Variants in GLB1 observed in about 807,000 individuals in gnomAD.
GLB1 encodes beta-galactosidase.
Under a neutral mutation model 74.0 loss-of-function variants are expected in GLB1, and 56 were observed. That is an observed-to-expected ratio of 0.76 (90% confidence interval 0.61 to 0.94). The LOEUF (loss-of-function observed/expected upper bound fraction) is 0.94. Ranked by LOEUF, GLB1 falls within the 40% of genes least tolerant of loss-of-function variation. GLB1 has a pLI of 0.00. For missense variants in GLB1, 787 were observed against 845.5 expected, an observed-to-expected ratio of 0.93 and a Z score of 0.86; for synonymous variants, 323 against 323.6, an observed-to-expected ratio of 1.00 and a Z score of 0.02.
chr3:33,014,357 AG>A (rs1559382469), intron 14 of GLB1, 47 bp from the exon 15 acceptor site: 1 of 1,604,008 alleles, frequency 6.2e-7, no homozygotes, highest in Non-Finnish European at 8.5e-7. Flanking sequence ...GGAAGGAAAA[AG>A]GCTTCACATG....
chr3:33,078,926 CTTG>C (rs1328045238), intron 1 of GLB1, among the ~76,000 whole-genome samples: 3 of 152,092 alleles, frequency 2.0e-5, no homozygotes, highest in African/African-American at 7.2e-5. Flanking sequence ...TCATGGCAGT[CTTG>C]AACTCCTGGG....
intron 2 of GLB1, among the ~76,000 whole-genome samples, chr3:33,071,001 C>A (rs1699867822): frequency 6.6e-6 from 1 of 152,066 alleles, no homozygotes; most frequent in Non-Finnish European, 1.5e-5. Context: ...GCCCTAGATC[C>A]TCTGACAAAA....
chr3:33,029,445 C>G (rs1280915826), intron 10 of GLB1, among the ~76,000 whole-genome samples: 1 of 152,090 alleles, frequency 6.6e-6, no homozygotes, highest in Non-Finnish European at 1.5e-5. Context: ...ATGCTTGGTA[C>G]TAGACTTATA....
chr3:33,037,048 AT>A (rs71070114), intron 10 of GLB1, among the ~76,000 whole-genome samples: 72,507 of 143,872 alleles, frequency 0.5, 17,900 homozygotes, highest in East Asian at 0.59. Flanking sequence ...ACCACAATTA[AT>A]TTTTTTTTTT....
rs183374180 is a variant in GLB1 at position 33,019,565 on chromosome 3, T to G, written c.1234-1004A>C. Among the ~76,000 whole-genome samples the G allele has an allele frequency of 9.3e-3, 1,420 of 152,282 alleles. 8 individuals carry two copies. The highest frequency in any genetic ancestry group is 0.014 in the Non-Finnish European group (963 of 68,026). ...GACTGGGAGGAGCTGAGGAGAGCACTAATCCACCTTCCTGTGTTGCAGGAA... is the reference window on the plus strand; with the variant it reads ...GACTGGGAGGAGCTGAGGAGAGCACGAATCCACCTTCCTGTGTTGCAGGAA... On this transcript the variant is annotated intron_variant, in intron 12 of 15. Coordinates refer to ENST00000307363, the MANE Select transcript of GLB1 (RefSeq NM_000404.4).
chr3:33,024,599 G>T (rs1697651822), intron 10 of GLB1, among the ~76,000 whole-genome samples: 1 of 152,198 alleles, frequency 6.6e-6, no homozygotes, highest in Non-Finnish European at 1.5e-5. Context: ...TAGAGAGAAT[G>T]AGGGTAAACA....
intron 6 of GLB1, among the ~76,000 whole-genome samples, chr3:33,054,523 C>A (rs1322827731): frequency 6.6e-6 from 1 of 152,186 alleles, no homozygotes; most frequent in Non-Finnish European, 1.5e-5. Context: ...CCTGGATGCA[C>A]CCCACAGGAT....
In GLB1 at chr3:33,021,598, G is replaced by A. The variant is rs1402467081; in HGVS notation, c.1201C>T (p.Leu401Phe). 6.2e-7 allele frequency: 1 copy of A among 1,614,056 alleles called. No individual in the cohort carries two copies. Among genetic ancestry groups the A allele is most frequent in the Non-Finnish European group, 8.5e-7 (1 of 1,180,006 alleles). Reference protein sequence around the residue: ...ILCPSGPIKSLYPLTFIQVKQ... With the variant: ...ILCPSGPIKSFYPLTFIQVKQ... Reference sequence around the variant, plus strand: ...ACCTGGATAAATGTCAAGGGATAAAGGCTTTTGATGGGCCCAGAGGGACAC... The same window carrying A: ...ACCTGGATAAATGTCAAGGGATAAAAGCTTTTGATGGGCCCAGAGGGACAC... Residue 401 changes from leucine (L) to phenylalanine (F), a missense_variant, in exon 12 of 16, where the codon CTT becomes TTT. Physicochemically the swap from Leu to Phe is conservative, Grantham distance 22. Transcript: ENST00000307363.
chr3:33,004,413 A>G (rs980885741), intron 15 of GLB1, among the ~76,000 whole-genome samples: 6 of 152,368 alleles, frequency 3.9e-5, no homozygotes, highest in African/African-American at 1.4e-4. Flanking sequence ...GTGGCTCGTT[A>G]TGCAGCAGAA....
intron 10 of GLB1, among the ~76,000 whole-genome samples, chr3:33,026,615 G>T (rs957569940): frequency 1.8e-4 from 28 of 152,180 alleles, no homozygotes; most frequent in African/African-American, 5.8e-4. Flanking sequence ...TTTTCCCTGG[G>T]CCTGCCAATG....
chr3:33,040,012 TA>T (rs200189311), intron 10 of GLB1, among the ~76,000 whole-genome samples: 1 of 152,012 alleles, frequency 6.6e-6, no homozygotes. Flanking sequence ...CTGATAGAAA[TA>T]AAAAAATAGC....
intron 1 of GLB1, chr3:33,092,741 C>T (rs911699153): frequency 1.3e-6 from 2 of 1,504,584 alleles, no homozygotes; most frequent in African/African-American, 2.8e-5. Context: ...GATGAGTGGG[C>T]AAGGCTGGAG....
intron 9 of GLB1, among the ~76,000 whole-genome samples, chr3:33,050,294 G>A (rs1698921237): frequency 6.6e-6 from 1 of 152,076 alleles, no homozygotes; most frequent in South Asian, 2.1e-4. Context: ...TCCACTTCTT[G>A]GTATACACCC....
chr3:33,067,194 G>A (rs1275177029), intron 4 of GLB1, among the ~76,000 whole-genome samples: 1 of 151,814 alleles, frequency 6.6e-6, no homozygotes, highest in African/African-American at 2.4e-5. Flanking sequence ...GTAGAGACAG[G>A]GTTTCCTCAT....
Position 33,058,317 on chromosome 3 carries a change from C to A in GLB1, c.553-48G>T, listed in dbSNP as rs139452903. 7.4e-6 allele frequency: 12 copies of A among 1,610,874 alleles called. No individual in the cohort carries two copies. The Admixed American group carries it at 2.0e-4, about 27-fold the overall frequency. ...GAAAAATGAGGAGATCCTAATGTAG[C>A]CACCCTAATGCAAGCTTTTGTGTGG... On this transcript the variant is annotated intron_variant, in intron 5 of 15. Coordinates refer to ENST00000307363, the MANE Select transcript of GLB1 (RefSeq NM_000404.4).
intron 1 of GLB1, chr3:33,092,594 G>T: frequency 3.0e-6 from 4 of 1,319,438 alleles, no homozygotes; most frequent in Non-Finnish European, 3.9e-6. Flanking sequence ...GCTAATATAT[G>T]TGACCTTAGT....
intron 1 of GLB1, among the ~76,000 whole-genome samples, chr3:33,074,158 T>C (rs1699996309): frequency 7.5e-6 from 1 of 133,480 alleles, no homozygotes; most frequent in Admixed American, 8.3e-5. Flanking sequence ...GCCAACATGG[T>C]GAAACCCCGT....
At position 33,021,603 on chromosome 3, in the gene GLB1, T is replaced by C. The variant is rs1306386871; in HGVS notation, c.1196A>G (p.Lys399Arg). 6.8e-6 allele frequency: 11 copies of C among 1,614,116 alleles called. No homozygotes were observed. The highest frequency in any genetic ancestry group is 4.5e-5 in the East Asian group (2 of 44,886). The change falls in exon 12 of 16, where the codon AAA (lysine) becomes AGA (arginine). Residue 399 changes from lysine (K) to arginine (R), a missense_variant. Physicochemically the swap from Lys to Arg is conservative, Grantham distance 26. Transcript: ENST00000307363. The stretch of plus-strand genomic sequence containing the variant: ...GATAAATGTCAAGGGATAAAGGCTT[T>C]TGATGGGCCCAGAGGGACACAGAAT... ...LDILCPSGPI[K>R]SLYPLTFIQV...
At chr3:33,070,778 T>A (rs766735793) in intron 2 of GLB1, among the ~76,000 whole-genome samples, 3 of 152,056 alleles carry the variant, frequency 2.0e-5, no homozygotes, top group Non-Finnish European at 2.9e-5. Flanking sequence ...GAGCCCACTT[T>A]AAGGTTTCAG....
Sources: allele counts gnomAD v4.1 joint callset (sites outside exome capture counted in the v4.1 genomes callset), GRCh38; gene constraint gnomAD v4.1.1; transcripts MANE v1.5; gene names NCBI Gene and HGNC (gene_info 2026-07-23, HGNC 2026-07-21).